PDS5B: variants seen among roughly 807,000 people sequenced by gnomAD.
PDS5B encodes sister chromatid cohesion protein PDS5 homolog B.
PDS5B carries 51 observed loss-of-function variants against 184.1 expected under a neutral mutation model. The ratio of observed to expected loss-of-function variants is 0.28; its 90% confidence interval spans 0.22 to 0.35. PDS5B has a LOEUF of 0.35. Among genes scored for constraint, PDS5B ranks in the 10% least tolerant of loss-of-function variants. The pLI, the probability that PDS5B is intolerant of heterozygous loss-of-function variation, is 1.00. For missense variants in PDS5B, 1,180 were observed against 1,723.3 expected, an observed-to-expected ratio of 0.68 and a Z score of 5.58; for synonymous variants, 566 against 569.2, an observed-to-expected ratio of 0.99 and a Z score of 0.08.
chr13:32,673,707 ATAGTT>A (rs1287768981), intron 8 of PDS5B, among the ~76,000 whole-genome samples: 1 of 152,232 alleles, frequency 6.6e-6, no homozygotes, highest in Non-Finnish European at 1.5e-5. Context: ...GGCCATAAAA[ATAGTT>A]TAGAGTTTTT....
At chr13:32,766,976 C>T (rs1593648775) in intron 31 of PDS5B, among the ~76,000 whole-genome samples, 1 of 151,430 alleles carries the variant, frequency 6.6e-6, no homozygotes, top group South Asian at 2.1e-4. Flanking sequence ...CTTTTACCTT[C>T]TTATCTTTGA....
Position 32,775,091 on chromosome 13 carries a change from A to C in PDS5B, c.*39A>C. On this transcript the variant is annotated 3_prime_UTR_variant, in exon 35 of 35. Transcript: ENST00000315596. ...ATAACTTTCTCTGTGAAAGCTTTGGAAAAATCTTTTTTTTTTTTTTTGGTC... is the reference window on the plus strand; with the variant it reads ...ATAACTTTCTCTGTGAAAGCTTTGGCAAAATCTTTTTTTTTTTTTTTGGTC... 6.9e-6 allele frequency: 7 copies of C among 1,019,606 alleles called. No homozygotes were observed. Among genetic ancestry groups the C allele is most frequent in the Non-Finnish European group, 9.5e-6 (7 of 734,366 alleles). The allele number at this position is 1,019,606 out of a possible 1,614,324, so 63.2% of individuals were successfully genotyped here. A position where few individuals can be genotyped will look rare whatever the true frequency, so the allele number is the denominator to read the frequency against.
chr13:32,669,189 T>A (rs1437828932), intron 7 of PDS5B, among the ~76,000 whole-genome samples: 2 of 152,174 alleles, frequency 1.3e-5, no homozygotes, highest in East Asian at 3.8e-4. Flanking sequence ...CTTCAAGTAC[T>A]TCTAAATGAC....
intron 10 of PDS5B, among the ~76,000 whole-genome samples, chr13:32,679,573 T>C (rs949294213): frequency 1.3e-5 from 2 of 151,984 alleles, no homozygotes; most frequent in Non-Finnish European, 1.5e-5. Flanking sequence ...GAGGCAGAGG[T>C]TGCAGTGAGC....
rs1189289964 is a variant in PDS5B at position 32,641,301 on chromosome 13, T to TTA, written c.-19-7452_-19-7451dup. Among the ~76,000 whole-genome samples the TTA allele has an allele frequency of 2.0e-5, 3 of 152,298 alleles. No individual in the cohort carries two copies. In the South Asian group the frequency reaches 6.2e-4, roughly 32 times the overall value. ...GTATCAATACCTGTTTTTCATTGAC[T>TTA]TAATGATACCCTCTTCTTCTGTGTT... is the stretch of plus-strand genomic sequence containing the variant. On this transcript the variant is annotated intron_variant, in intron 1 of 34. Transcript: ENST00000315596.
At chr13:32,711,066 C>T (rs188475622) in intron 19 of PDS5B, among the ~76,000 whole-genome samples, 2 of 151,704 alleles carry the variant, frequency 1.3e-5, no homozygotes, top group African/African-American at 4.8e-5. Flanking sequence ...GATCTCAGCT[C>T]ACTGCAACCT....
In PDS5B at chr13:32,688,560, A is replaced by G. The variant is rs1310155372; in HGVS notation, c.1460A>G (p.Asn487Ser). The G allele has an allele frequency of 6.5e-7, 1 of 1,546,078 alleles. No homozygotes were observed. The highest frequency in any genetic ancestry group is 1.1e-5 in the South Asian group (1 of 89,656). ...LYYLYATLDL[N>S]AVKALNEMWK... ...TACTTGTATGCCACACTGGATTTAA[A>G]TGCTGTGAAGTATGTTTCAAATATC... is the stretch of plus-strand genomic sequence containing the variant. The change falls in exon 13 of 35, where the codon AAT becomes AGT. Residue 487 changes from asparagine to serine, a missense_variant. Around this residue, in one of 11 missense-constraint regions of PDS5B, gnomAD observed 475 missense variants for 691.5 expected, o/e 0.69. Coordinates refer to ENST00000315596, the MANE Select transcript of PDS5B (RefSeq NM_015032.4).
chr13:32,643,973 A>T (rs151302083), intron 1 of PDS5B, among the ~76,000 whole-genome samples: 6 of 152,278 alleles, frequency 3.9e-5, no homozygotes, highest in African/African-American at 1.2e-4. Context: ...TTCTGTGTAG[A>T]TAATCATGTT....
chr13:32,732,503 A>G (rs766511326), intron 20 of PDS5B, among the ~76,000 whole-genome samples: 6 of 152,150 alleles, frequency 3.9e-5, no homozygotes, highest in Non-Finnish European at 4.4e-5. Flanking sequence ...AGGTAATTAC[A>G]TATAAAATCA....
intron 18 of PDS5B, among the ~76,000 whole-genome samples, chr13:32,708,416 A>G (rs1952095574): frequency 6.6e-6 from 1 of 152,206 alleles, no homozygotes; most frequent in African/African-American, 2.4e-5. Flanking sequence ...CTTACAAACA[A>G]CACTAAGGTG....
chr13:32,624,956 G>A (rs1364084920), intron 1 of PDS5B, among the ~76,000 whole-genome samples: 1 of 152,074 alleles, frequency 6.6e-6, no homozygotes, highest in African/African-American at 2.4e-5. Flanking sequence ...TTGGGTGTCG[G>A]TAGGTTCTGG....
In PDS5B at chr13:32,617,811, T is replaced by C. The variant is rs7320257; in HGVS notation, c.-19-30943T>C. 9.7e-3 allele frequency among the ~76,000 whole-genome samples: 1,480 copies of C among 152,374 alleles called. 29 individuals are homozygous for C. The highest frequency in any genetic ancestry group is 0.034 in the African/African-American group (1,393 of 41,580). ...TTGCAGTGTGCTGCTAATCTTACTGTTGGGTTGTGTTTTTCATCATTATGT... is the reference window on the plus strand; with the variant it reads ...TTGCAGTGTGCTGCTAATCTTACTGCTGGGTTGTGTTTTTCATCATTATGT... On this transcript the variant is annotated intron_variant, in intron 1 of 34. Coordinates refer to ENST00000315596, the MANE Select transcript of PDS5B (RefSeq NM_015032.4).
intron 1 of PDS5B, among the ~76,000 whole-genome samples, chr13:32,600,060 A>G (rs1025380048): frequency 6.6e-6 from 1 of 152,168 alleles, no homozygotes; most frequent in African/African-American, 2.4e-5. Context: ...TAAATGTTGT[A>G]TCTAATGTGC....
At chr13:32,706,555 C>A (rs1952025853) in intron 17 of PDS5B, among the ~76,000 whole-genome samples, 1 of 152,018 alleles carries the variant, frequency 6.6e-6, no homozygotes. Context: ...TTTCCTTTAT[C>A]ATTTTTTATT....
intron 23 of PDS5B, among the ~76,000 whole-genome samples, chr13:32,743,524 T>G (rs1357054798): frequency 6.6e-6 from 1 of 152,142 alleles, no homozygotes; most frequent in East Asian, 1.9e-4. Flanking sequence ...TTGGTGCCCC[T>G]CCTTGGTAAT....
At chr13:32,677,498 G>A (rs1593403926) in intron 9 of PDS5B, among the ~76,000 whole-genome samples, 2 of 152,102 alleles carry the variant, frequency 1.3e-5, no homozygotes, top group East Asian at 3.9e-4. Flanking sequence ...TAAGGAGTTA[G>A]TCTTTTAAAA....
chr13:32,694,504 G>A (rs1951647057), intron 14 of PDS5B, among the ~76,000 whole-genome samples, 200 bp downstream of exon 14: 2 of 151,800 alleles, frequency 1.3e-5, no homozygotes, highest in African/African-American at 4.8e-5. Flanking sequence ...TCTGCAAAAG[G>A]TAATACCCAA....
chr13:32,694,072 T>G, intron 13 of PDS5B, 151 bp from the exon 14 acceptor site: 1 of 581,456 alleles, frequency 1.7e-6, no homozygotes. Context: ...ATTCTTTCCC[T>G]CTACACATTA....
chr13:32,599,876 G>C (rs12429084), intron 1 of PDS5B, among the ~76,000 whole-genome samples: 60,822 of 151,894 alleles, frequency 0.4, 12,591 homozygotes, highest in African/African-American at 0.49. Context: ...GATCGTGCCA[G>C]TGTGCTCCAG....
Sources: gnomAD v4.1 joint callset for allele counts (sites outside exome capture counted in the v4.1 genomes callset) on GRCh38, gnomAD v4.1.1 for gene constraint, gnomAD v4.1.1 regional missense constraint, MANE v1.5 for transcripts, NCBI Gene and HGNC (gene_info 2026-07-23, HGNC 2026-07-21) for gene names.